GNA14: variants seen among roughly 807,000 people sequenced by gnomAD.
GNA14 encodes guanine nucleotide-binding protein subunit alpha-14.
In GNA14, 50 loss-of-function variants were observed where a neutral mutation model predicts 42.0. That is an observed-to-expected ratio of 1.19 (90% CI 0.95 to 1.51). The LOEUF is 1.51. Ranked by LOEUF, GNA14 falls within the 40% of genes most tolerant of loss-of-function variation. GNA14 has a pLI of 0.00. For missense variants in GNA14, 473 were observed against 446.2 expected (o/e 1.06, Z -0.54); for synonymous variants, 173 against 163.1 (o/e 1.06, Z -0.46).
chr9:77,623,445 C>A (rs566740402), intron 1 of GNA14, among the ~76,000 whole-genome samples: 80 of 152,058 alleles, frequency 5.3e-4, no homozygotes, highest in African/African-American at 1.8e-3. Flanking sequence ...ATAAGTAAAT[C>A]AAACACATAT....
intron 1 of GNA14, among the ~76,000 whole-genome samples, chr9:77,583,772 G>C (rs1823261557): frequency 6.6e-6 from 1 of 152,114 alleles, no homozygotes; most frequent in Admixed American, 6.5e-5. Flanking sequence ...AAAATGCAGA[G>C]TCTGACTCAG....
chr9:77,526,053 C>T (rs1047950325), intron 2 of GNA14, among the ~76,000 whole-genome samples: 4 of 151,250 alleles, frequency 2.6e-5, no homozygotes, highest in African/African-American at 7.3e-5. Context: ...AAGTGTGCAC[C>T]ATCACACCCG....
intron 1 of GNA14, among the ~76,000 whole-genome samples, chr9:77,625,336 C>T (rs1049726664): frequency 1.3e-5 from 2 of 152,154 alleles, no homozygotes; most frequent in Non-Finnish European, 1.5e-5. Flanking sequence ...AGGATATTAT[C>T]CAGGAGAACT....
chr9:77,542,757 G>A (rs1837676180), intron 1 of GNA14, among the ~76,000 whole-genome samples: 1 of 152,226 alleles, frequency 6.6e-6, no homozygotes, highest in African/African-American at 2.4e-5. Context: ...CAGGTTGGGT[G>A]AGCCCAACCT....
At chr9:77,452,389 G>C (rs993492810) in intron 2 of GNA14, among the ~76,000 whole-genome samples, 1 of 152,022 alleles carries the variant, frequency 6.6e-6, no homozygotes, top group Non-Finnish European at 1.5e-5. Context: ...TCAGTCCAGC[G>C]ATGCCTTTAT....
intron 1 of GNA14, among the ~76,000 whole-genome samples, chr9:77,540,038 T>G (rs1350675734): frequency 6.6e-6 from 1 of 152,136 alleles, no homozygotes; most frequent in East Asian, 1.9e-4. Flanking sequence ...ATGTTGGGTT[T>G]GGTTTGTTCT....
intron 1 of GNA14, among the ~76,000 whole-genome samples, chr9:77,591,575 T>C (rs924225869): frequency 8.5e-5 from 13 of 152,156 alleles, no homozygotes; most frequent in African/African-American, 3.1e-4. Context: ...TAACAATACC[T>C]ACCTCTACCT....
chr9:77,640,577 A>G (rs970068576), intron 1 of GNA14, among the ~76,000 whole-genome samples: 2 of 152,166 alleles, frequency 1.3e-5, no homozygotes, highest in Non-Finnish European at 2.9e-5. Context: ...AGATTTTTCC[A>G]CTTTATATCT....
chr9:77,619,519 G>C (rs1823889286), intron 1 of GNA14, among the ~76,000 whole-genome samples: 4 of 152,064 alleles, frequency 2.6e-5, no homozygotes, highest in Admixed American at 2.6e-4. Context: ...TATTTACCAA[G>C]GGCAGCAGTA....
At chr9:77,492,721 G>T (rs1016317558) in intron 2 of GNA14, among the ~76,000 whole-genome samples, 2 of 151,888 alleles carry the variant, frequency 1.3e-5, no homozygotes, top group African/African-American at 4.8e-5. Flanking sequence ...AATACTTGGG[G>T]CCAGGCACTG....
At chr9:77,454,320 C>A (rs1462066493) in intron 2 of GNA14, among the ~76,000 whole-genome samples, 2 of 152,188 alleles carry the variant, frequency 1.3e-5, no homozygotes, top group African/African-American at 4.8e-5. Flanking sequence ...TTCTGTGAAC[C>A]CCCTTTGTTT....
At chr9:77,627,986 G>A (rs1376952252) in intron 1 of GNA14, among the ~76,000 whole-genome samples, 2 of 152,162 alleles carry the variant, frequency 1.3e-5, no homozygotes, top group East Asian at 3.9e-4. Context: ...TTTATATTTA[G>A]AAAACCCCAG....
intron 2 of GNA14, among the ~76,000 whole-genome samples, chr9:77,444,927 C>T (rs1036704647): frequency 6.6e-6 from 1 of 152,184 alleles, no homozygotes; most frequent in Non-Finnish European, 1.5e-5. Context: ...CTGCTCCATG[C>T]CAGATCCAGG....
At chr9:77,424,520 G>A (rs988344670) in intron 6 of GNA14, among the ~76,000 whole-genome samples, 2 of 152,164 alleles carry the variant, frequency 1.3e-5, no homozygotes, top group African/African-American at 2.4e-5. Flanking sequence ...ACCGTGCCTG[G>A]CCCCAAGAAC....
chr9:77,450,926 T>C (rs2131703785), intron 2 of GNA14, among the ~76,000 whole-genome samples: 1 of 152,264 alleles, frequency 6.6e-6, no homozygotes, highest in South Asian at 2.1e-4. Flanking sequence ...CCTGCTGCCA[T>C]GTAAGACATG....
chr9:77,514,362 T>C (rs890732179), intron 2 of GNA14, among the ~76,000 whole-genome samples: 4 of 152,118 alleles, frequency 2.6e-5, no homozygotes. Context: ...GTTCATAATA[T>C]TGTCTTCACA....
At chr9:77,498,726 G>A (rs1217553232) in intron 2 of GNA14, among the ~76,000 whole-genome samples, 3 of 152,108 alleles carry the variant, frequency 2.0e-5, no homozygotes, top group African/African-American at 4.8e-5. Context: ...ATCTCCCCCC[G>A]CTGAGGATGC....
chr9:77,506,342 G>A (rs1341831801), intron 2 of GNA14, among the ~76,000 whole-genome samples: 1 of 149,374 alleles, frequency 6.7e-6, no homozygotes, highest in Non-Finnish European at 1.5e-5. Context: ...TAAGTCAATA[G>A]ATCCAAAACA....
At chr9:77,577,129 A>G (rs969197342) in intron 1 of GNA14, among the ~76,000 whole-genome samples, 4 of 152,238 alleles carry the variant, frequency 2.6e-5, no homozygotes, top group African/African-American at 9.6e-5. Context: ...GTGCTTGCTA[A>G]TATGCAGATC....
Sources: gnomAD v4.1 joint callset for allele counts (sites outside exome capture counted in the v4.1 genomes callset) on GRCh38, gnomAD v4.1.1 for gene constraint, MANE v1.5 for transcripts, NCBI Gene and HGNC (gene_info 2026-07-23, HGNC 2026-07-21) for gene names.